TRPC6: variants seen among roughly 807,000 people sequenced by gnomAD.
TRPC6 encodes the protein short transient receptor potential channel 6.
In TRPC6, 55 loss-of-function variants were observed where a neutral mutation model predicts 90.7. The ratio of observed to expected loss-of-function variants is 0.61; its 90% CI spans 0.49 to 0.76. The LOEUF is 0.76. TRPC6 is among the 30% of genes least tolerant of loss of function. TRPC6 has a pLI of 0.00. For missense variants in TRPC6, 989 were observed against 1,122.7 expected (o/e 0.88, Z 1.70); for synonymous variants, 393 against 393.0 (o/e 1.00, Z 0.00).
In TRPC6 at chr11:101,555,997, G is replaced by A. The variant is rs545013094; in HGVS notation, c.170+27337C>T. Among the ~76,000 whole-genome samples the A allele has an allele frequency of 6.5e-4, 99 of 152,086 alleles. No homozygotes were observed. The South Asian group carries it at 7.5e-3, about 11-fold the overall frequency. Reference sequence around the variant, plus strand: ...ATGGGTGAATGGAAGATTAAAAGGGGGATTTTTTAAATGTCTTGAGGCAAA... The same window carrying A: ...ATGGGTGAATGGAAGATTAAAAGGGAGATTTTTTAAATGTCTTGAGGCAAA... On this transcript the variant is annotated intron_variant, in intron 1 of 12. Transcript: ENST00000344327.
At chr11:101,528,359 T>C (rs1032410155) in intron 1 of TRPC6, among the ~76,000 whole-genome samples, 2 of 152,130 alleles carry the variant, frequency 1.3e-5, no homozygotes, top group Non-Finnish European at 1.5e-5. Flanking sequence ...ATCAGCAATA[T>C]TGTGCCTTGG....
chr11:101,536,458 G>C (rs1197931553), intron 1 of TRPC6, among the ~76,000 whole-genome samples: 1 of 151,382 alleles, frequency 6.6e-6, no homozygotes, highest in East Asian at 1.9e-4. Context: ...TCAGAGTGTG[G>C]TAAGAACTGC....
At position 101,539,226 on chromosome 11, in the gene TRPC6, T is replaced by C. The variant is rs117912442; in HGVS notation, c.171-34428A>G. Reference sequence around the variant, plus strand: ...CTAGTCCTAGAAAGGAGCCCTAAAGTCTCGGTTTTCAGATTCCTTAGAACT... The same window carrying C: ...CTAGTCCTAGAAAGGAGCCCTAAAGCCTCGGTTTTCAGATTCCTTAGAACT... On this transcript the variant is annotated intron_variant, in intron 1 of 12. Coordinates refer to ENST00000344327, the MANE Select transcript of TRPC6 (RefSeq NM_004621.6). Among the ~76,000 whole-genome samples, 35 of 152,282 alleles carry C rather than the reference T, an allele frequency of 2.3e-4. No homozygotes were observed. The East Asian group carries it at 6.8e-3, about 29-fold the overall frequency.
At chr11:101,548,280 A>ATATATATATATTT (rs71303295) in intron 1 of TRPC6, among the ~76,000 whole-genome samples, 1 of 135,514 alleles carries the variant, frequency 7.4e-6, no homozygotes, top group Non-Finnish European at 1.6e-5. Context: ...TATAATTTAT[A>ATATATATATATTT]TATATAATTA....
chr11:101,463,981 T>G (rs6590862), intron 10 of TRPC6, among the ~76,000 whole-genome samples: 47,392 of 152,104 alleles, frequency 0.31, 9,626 homozygotes, highest in African/African-American at 0.58. Context: ...TTTTAAATGT[T>G]TCCCATAGAT....
At chr11:101,544,856 T>C (rs1021053142) in intron 1 of TRPC6, among the ~76,000 whole-genome samples, 2 of 149,884 alleles carry the variant, frequency 1.3e-5, no homozygotes, top group African/African-American at 2.5e-5. Flanking sequence ...TCTGCACATA[T>C]ACCCCAGAAC....
intron 1 of TRPC6, among the ~76,000 whole-genome samples, chr11:101,539,455 G>A (rs1458768260): frequency 6.6e-6 from 1 of 152,192 alleles, no homozygotes; most frequent in Admixed American, 6.5e-5. Flanking sequence ...TTCCTCTGAA[G>A]ACACTTATTC....
At chr11:101,473,816 G>GT (rs769131743) in intron 6 of TRPC6, 43 bp from the exon 7 acceptor site, 2 of 1,611,718 alleles carry the variant, frequency 1.2e-6, no homozygotes, top group South Asian at 1.1e-5. Context: ...GTTTCTTCAA[G>GT]TTTTTTATTT....
In TRPC6 at chr11:101,504,454, C is replaced by A. The variant is rs1357093320; in HGVS notation, c.515G>T (p.Gly172Val). ...AATTGCTTCCACAATCCGAACATAACCTTTACTAATAGCTAGAAGCAAAGC... is the reference window on the plus strand; with the variant it reads ...AATTGCTTCCACAATCCGAACATAAACTTTACTAATAGCTAGAAGCAAAGC... The part of the protein sequence containing the change: ...GDALLLAISK[G>V]YVRIVEAILS... Residue 172 changes from glycine (G) to valine (V), a missense_variant, in exon 2 of 13, where the codon GGT (glycine) becomes GTT (valine). Gly to Val is a moderately radical substitution (Grantham distance 109, BLOSUM62 -3). Coordinates refer to ENST00000344327, the MANE Select transcript of TRPC6 (RefSeq NM_004621.6). The A allele has an allele frequency of 6.2e-7, 1 of 1,613,978 alleles. No individual in the cohort carries two copies. The highest frequency in any genetic ancestry group is 8.5e-7 in the Non-Finnish European group (1 of 1,180,014).
At chr11:101,505,590 G>T (rs1860242933) in intron 1 of TRPC6, among the ~76,000 whole-genome samples, 1 of 152,134 alleles carries the variant, frequency 6.6e-6, no homozygotes, top group African/African-American at 2.4e-5. Flanking sequence ...CTTGAACTCT[G>T]CTGTCCTAAA....
chr11:101,527,945 C>A (rs762040739), intron 1 of TRPC6, among the ~76,000 whole-genome samples: 1 of 151,956 alleles, frequency 6.6e-6, no homozygotes, highest in Non-Finnish European at 1.5e-5. Context: ...TAGTGACGGG[C>A]ACCTGTAATC....
chr11:101,548,345 AT>A (rs1266048461), intron 1 of TRPC6, among the ~76,000 whole-genome samples: 6 of 119,944 alleles, frequency 5.0e-5, no homozygotes, highest in South Asian at 3.4e-4. Flanking sequence ...AATACAATAT[AT>A]AATTATATAA....
In TRPC6 at chr11:101,476,528, A is replaced by G. The variant is rs200561342; in HGVS notation, c.1517T>C (p.Ile506Thr). Reference protein sequence around the residue: ...MLIISWVIGMIWAECKEIWTQ... With the variant: ...MLIISWVIGMTWAECKEIWTQ... ...CCAGATTTCTTTACATTCAGCCCAT[A>G]TCATGCCTGCATCAGAAAGGGGTTA... is the stretch of plus-strand genomic sequence containing the variant. The change falls in exon 6 of 13, where the codon ATA becomes ACA. Residue 506 changes from isoleucine (I) to threonine (T), a missense_variant. Ile to Thr is a moderately conservative substitution (Grantham distance 89, BLOSUM62 -1). Coordinates refer to ENST00000344327, the MANE Select transcript of TRPC6 (RefSeq NM_004621.6). The G allele has an allele frequency of 2.5e-5, 40 of 1,613,354 alleles. No individual in the cohort carries two copies. In the Admixed American group the frequency reaches 6.7e-4, roughly 27 times the overall value.
At chr11:101,454,982 G>C (rs746286425) in intron 11 of TRPC6, 36 bp downstream of exon 11, 1 of 1,521,808 alleles carries the variant, frequency 6.6e-7, no homozygotes, top group Non-Finnish European at 9.1e-7. Flanking sequence ...AATATTACAA[G>C]TAACTAGTTT....
rs939747668 is a variant in TRPC6 at position 101,583,643 on chromosome 11, C to G, written c.-140G>C. 4 of 929,180 alleles carry G rather than the reference C, an allele frequency of 4.3e-6. No individual in the cohort carries two copies. The highest frequency in any genetic ancestry group is 5.9e-6 in the Non-Finnish European group (4 of 675,278). The allele number at this position is 929,180 out of a possible 1,614,324, so 57.6% of individuals were successfully genotyped here. On this transcript the variant is annotated 5_prime_UTR_variant, in exon 1 of 13. Coordinates refer to ENST00000344327, the MANE Select transcript of TRPC6 (RefSeq NM_004621.6). Reference sequence around the variant, plus strand: ...CGGTGCCCAGGGGACGACGGTGAAGCAGGGGGTGCAGACGCCCGCCGCAAG... The same window carrying G: ...CGGTGCCCAGGGGACGACGGTGAAGGAGGGGGTGCAGACGCCCGCCGCAAG...
rs753037268 is a variant in TRPC6 at position 101,472,921 on chromosome 11, T to TAACA, written c.2009+584_2009+587dup. Among the ~76,000 whole-genome samples the TAACA allele has an allele frequency of 1.0e-3, 152 of 152,056 alleles. 3 individuals carry two copies. Among genetic ancestry groups the TAACA allele is most frequent in the Non-Finnish European group, 1.2e-3 (80 of 67,980 alleles). On this transcript the variant is annotated intron_variant, in intron 7 of 12. Coordinates refer to ENST00000344327, the MANE Select transcript of TRPC6 (RefSeq NM_004621.6). ...ACATTTCAGTTGTTGCTTCTTATTATAACACTGAAGACCTAATATTTAAAT... is the reference window on the plus strand; with the variant it reads ...ACATTTCAGTTGTTGCTTCTTATTATAACAAACACTGAAGACCTAATATTTAAAT...
rs543164116 is a variant in TRPC6 at position 101,540,916 on chromosome 11, AG to A, written c.171-36119del. Among the ~76,000 whole-genome samples, 1,198 of 152,316 alleles carry A rather than the reference AG, an allele frequency of 7.9e-3. 13 individuals are homozygous for A. Among genetic ancestry groups the A allele is most frequent in the South Asian group, 0.017 (81 of 4,830 alleles). ...AATATAACCTACACAAAAACCTGCA[AG>A]GAACTATAAAACCCTTTACATATGT... On this transcript the variant is annotated intron_variant, in intron 1 of 12. Transcript: ENST00000344327.
intron 2 of TRPC6, among the ~76,000 whole-genome samples, chr11:101,500,849 G>A (rs534186034): frequency 6.6e-6 from 1 of 152,188 alleles, no homozygotes; most frequent in Non-Finnish European, 1.5e-5. Context: ...TAAAGAAGAT[G>A]TTGTTCGCTT....
chr11:101,575,035 A>T (rs1439567958), intron 1 of TRPC6, among the ~76,000 whole-genome samples: 1 of 152,180 alleles, frequency 6.6e-6, no homozygotes, highest in African/African-American at 2.4e-5. Flanking sequence ...TAACATGACT[A>T]TCCACACTGT....
Sources: gnomAD v4.1 joint callset for allele counts (sites outside exome capture counted in the v4.1 genomes callset) on GRCh38, gnomAD v4.1.1 for gene constraint, MANE v1.5 for transcripts, NCBI Gene and HGNC (gene_info 2026-07-23, HGNC 2026-07-21) for gene names.